The following ENTREP2 variants were observed in gnomAD, a reference collection of about 807,000 sequenced individuals.
ENTREP2 encodes the protein endosomal transmembrane epsin interactor 2.
At chr15:29,367,933 T>C in the ENTREP2 span, among the ~76,000 whole-genome samples, 3 of 134,162 alleles carry the variant, frequency 2.2e-5, no homozygotes, top group Non-Finnish European at 4.6e-5. Context: ...TTAGTGAAAA[T>C]GCCCAGTTTT....
chr15:29,518,508 T>C, the ENTREP2 span, among the ~76,000 whole-genome samples: 25 of 152,220 alleles, frequency 1.6e-4, no homozygotes, highest in East Asian at 4.6e-3. Context: ...AGGCGTGCCA[T>C]GGACATGAGG....
At chr15:29,444,170 C>CAAAG in the ENTREP2 span, among the ~76,000 whole-genome samples, 546 of 71,358 alleles carry the variant, frequency 7.7e-3, 11 homozygotes, top group Middle Eastern at 0.012. Flanking sequence ...GAAAGACAGA[C>CAAAG]AAAGAAAGAA....
At chr15:29,269,642 TC>T in the ENTREP2 span, 1 of 1,576,000 alleles carries the variant, frequency 6.3e-7, no homozygotes, top group Non-Finnish European at 8.6e-7. Flanking sequence ...CCGCTATGGC[TC>T]CAGTCTCTGT....
At chr15:29,641,694 T>C in the ENTREP2 span, among the ~76,000 whole-genome samples, 3 of 151,896 alleles carry the variant, frequency 2.0e-5, no homozygotes, top group Non-Finnish European at 2.9e-5. Flanking sequence ...TAGCCGGGCA[T>C]GGTGGTGCGC....
the ENTREP2 span, among the ~76,000 whole-genome samples, chr15:29,653,979 C>T: frequency 6.6e-6 from 1 of 152,118 alleles, no homozygotes; most frequent in Non-Finnish European, 1.5e-5. Flanking sequence ...CTCAAGATTT[C>T]CAAGCTTATG....
chr15:29,413,189 C>T, the ENTREP2 span, among the ~76,000 whole-genome samples: 8 of 152,056 alleles, frequency 5.3e-5, no homozygotes, highest in Admixed American at 3.3e-4. Flanking sequence ...TAAAAAACTG[C>T]AAGATCAATT....
the ENTREP2 span, among the ~76,000 whole-genome samples, chr15:29,163,229 C>A: frequency 6.6e-6 from 1 of 152,112 alleles, no homozygotes; most frequent in African/African-American, 2.4e-5. Flanking sequence ...AAAACCAATG[C>A]TGGTAATATG....
the ENTREP2 span, among the ~76,000 whole-genome samples, chr15:29,493,345 G>T: frequency 2.0e-5 from 3 of 150,666 alleles, no homozygotes; most frequent in African/African-American, 7.3e-5. Context: ...GTTTTAGCCG[G>T]GATGGTCTCG....
chr15:29,514,971 T>C, the ENTREP2 span, among the ~76,000 whole-genome samples: 5 of 152,334 alleles, frequency 3.3e-5, no homozygotes, highest in East Asian at 9.7e-4. Flanking sequence ...AGGGCCCCCC[T>C]GTCCTTACTG....
At chr15:29,258,525 A>G in the ENTREP2 span, among the ~76,000 whole-genome samples, 1 of 152,092 alleles carries the variant, frequency 6.6e-6, no homozygotes, top group Non-Finnish European at 1.5e-5. Flanking sequence ...TAAAATATCC[A>G]TAATAAAAAC....
chr15:29,212,199 G>A, the ENTREP2 span, among the ~76,000 whole-genome samples: 1 of 152,042 alleles, frequency 6.6e-6, no homozygotes, highest in East Asian at 1.9e-4. Flanking sequence ...CCTGCCTTAC[G>A]CTAGGAGGGT....
At chr15:29,281,798 A>G in the ENTREP2 span, among the ~76,000 whole-genome samples, 29 of 152,316 alleles carry the variant, frequency 1.9e-4, no homozygotes, top group African/African-American at 7.0e-4. Flanking sequence ...AGTCCCAACA[A>G]GAGGAACAGA....
the ENTREP2 span, among the ~76,000 whole-genome samples, chr15:29,355,854 C>T: frequency 6.6e-6 from 1 of 152,098 alleles, no homozygotes; most frequent in Non-Finnish European, 1.5e-5. Flanking sequence ...AGTGGAATGG[C>T]TGAGCTAAAT....
chr15:29,619,832 G>A, the ENTREP2 span, among the ~76,000 whole-genome samples: 11 of 152,000 alleles, frequency 7.2e-5, no homozygotes, highest in African/African-American at 1.9e-4. Context: ...AGGTTCTCCT[G>A]TCTCTGCCTC....
chr15:29,155,152 G>A, the ENTREP2 span, among the ~76,000 whole-genome samples: 2 of 151,966 alleles, frequency 1.3e-5, no homozygotes, highest in African/African-American at 4.8e-5. Flanking sequence ...CGTGGTGGCC[G>A]GCGCCTGTAG....
the ENTREP2 span, among the ~76,000 whole-genome samples, chr15:29,220,759 C>A: frequency 1.3e-5 from 2 of 151,834 alleles, no homozygotes; most frequent in Non-Finnish European, 2.9e-5. Context: ...GAAAATAGAA[C>A]CTTTATTATA....
the ENTREP2 span, among the ~76,000 whole-genome samples, chr15:29,131,257 AC>A: frequency 6.6e-6 from 1 of 152,006 alleles, no homozygotes; most frequent in Admixed American, 6.5e-5. Context: ...AACTTTGAAG[AC>A]ACTTTGCTAA....
At chr15:29,553,523 T>C in the ENTREP2 span, among the ~76,000 whole-genome samples, 3 of 152,174 alleles carry the variant, frequency 2.0e-5, no homozygotes, top group Admixed American at 6.5e-5. Context: ...CTTCCTCCCA[T>C]CAAGAGGTAG....
chr15:29,187,677 G>T, the ENTREP2 span, among the ~76,000 whole-genome samples: 1 of 152,106 alleles, frequency 6.6e-6, no homozygotes. Flanking sequence ...CACAGAAGAG[G>T]TGCTCAAAAA....
Sources: allele counts gnomAD v4.1 joint callset (sites outside exome capture counted in the v4.1 genomes callset), GRCh38; gene constraint gnomAD v4.1.1; transcripts MANE v1.5; gene names NCBI Gene and HGNC (gene_info 2026-07-23, HGNC 2026-07-21).